CACNA1C: variants seen among roughly 807,000 people sequenced by gnomAD.
CACNA1C encodes the protein calcium voltage-gated channel subunit alpha1 C.
CACNA1C carries 30 observed loss-of-function variants against 229.0 expected under a neutral mutation model. That is an observed-to-expected ratio of 0.13 (90% CI 0.10 to 0.18). The LOEUF (loss-of-function observed/expected upper bound fraction) is 0.18, where lower values mean the gene tolerates loss of function less well. Ranked by LOEUF, CACNA1C falls within the 10% of genes least tolerant of loss-of-function variation. The pLI, the probability that CACNA1C is intolerant of heterozygous loss-of-function variation, is 1.00. For synonymous variants in CACNA1C, 1,114 were observed against 1,132.5 expected, an observed-to-expected ratio of 0.98 and a Z score of 0.33; for missense variants, 1,658 against 2,845.0, an observed-to-expected ratio of 0.58 and a Z score of 9.49.
Position 2,608,843 on chromosome 12 carries a change from C to A in CACNA1C, c.3558+131C>A. The stretch of plus-strand genomic sequence containing the variant: ...TGAGATCGTCTCTCTATTCCTCAAC[C>A]AGAGTGGGCTGTCAGTCTTTTTGAG... On this transcript the variant is annotated intron_variant, in intron 27 of 46. Coordinates refer to ENST00000399655, the MANE Select transcript of CACNA1C (RefSeq NM_000719.7). The surrounding 1 kb of genome is among the most constrained non-coding windows in gnomAD (Gnocchi z 4.2). The A allele has an allele frequency of 1.2e-6, 1 of 851,568 alleles. No homozygotes were observed. Among genetic ancestry groups the A allele is most frequent in the Non-Finnish European group, 1.8e-6 (1 of 550,340 alleles). The allele number at this position is 851,568 out of a possible 1,614,324, so 52.8% of individuals were successfully genotyped here. A position where few individuals can be genotyped will look rare whatever the true frequency, so the allele number is the denominator to read the frequency against.
At chr12:2,037,740 T>A (rs1379911620) in intron 1 of CACNA1C, among the ~76,000 whole-genome samples, 1 of 152,162 alleles carries the variant, frequency 6.6e-6, no homozygotes, top group East Asian at 1.9e-4. Context: ...TATATAACCC[T>A]CACTTCTCAG....
In CACNA1C at chr12:2,346,218, G is replaced by A. The variant is rs938885091; in HGVS notation, c.478-102758G>A. 2.6e-5 allele frequency among the ~76,000 whole-genome samples: 4 copies of A among 152,050 alleles called. No individual in the cohort carries two copies. The highest frequency in any genetic ancestry group is 9.7e-5 in the African/African-American group (4 of 41,388). On this transcript the variant is annotated intron_variant, in intron 3 of 46. Transcript: ENST00000399655. The surrounding 1 kb of genome is among the most constrained non-coding windows in gnomAD (Gnocchi z 4.4). ...GGTGTGCGTGTGTGTCTCTGTGTGT[G>A]TCATCTCTGTGTGTGTCTGTGTGTG...
chr12:2,034,661 G>A lies in CACNA1C; in HGVS notation c.139+63460G>A, dbSNP rs1211104680. ...CCGACGACTTTGAAATAATTCGAGG[G>A]CTAACTGGCTCATCTAGTGTGATTT... is the stretch of plus-strand genomic sequence containing the variant. On this transcript the variant is annotated intron_variant, in intron 1 of 46. Coordinates refer to the CACNA1C transcript ENST00000682462. The surrounding 1 kb of genome is among the most constrained non-coding windows in gnomAD (Gnocchi z 4.1). Among the ~76,000 whole-genome samples the A allele has an allele frequency of 6.6e-6, 1 of 152,082 alleles. No homozygotes were observed. Among genetic ancestry groups the A allele is most frequent in the Non-Finnish European group, 1.5e-5 (1 of 68,016 alleles).
chr12:2,469,778 T>G (rs1362666226), intron 5 of CACNA1C, among the ~76,000 whole-genome samples: 1 of 152,224 alleles, frequency 6.6e-6, no homozygotes, highest in African/African-American at 2.4e-5. Flanking sequence ...AGAAATACTT[T>G]TAAAAAAATA....
At chr12:2,517,976 A>G (rs935903310) in intron 9 of CACNA1C, among the ~76,000 whole-genome samples, 2 of 152,234 alleles carry the variant, frequency 1.3e-5, no homozygotes, top group African/African-American at 4.8e-5. Flanking sequence ...CAATACAGAC[A>G]TTGATGTGGA....
Position 2,652,190 on chromosome 12 carries a change from C to A in CACNA1C, c.4074+422C>A, listed in dbSNP as rs149265061. 2.9e-4 allele frequency among the ~76,000 whole-genome samples: 44 copies of A among 152,298 alleles called. No individual in the cohort carries two copies. In the East Asian group the frequency reaches 6.2e-3, roughly 21 times the overall value. On this transcript the variant is annotated intron_variant, in intron 32 of 46. Transcript: ENST00000399655. The stretch of plus-strand genomic sequence containing the variant: ...CCAGAATCTGGCCATCGCCCTCCTC[C>A]CCGTAGGCGTTTCAGCAGCATCTGC...
At chr12:2,228,247 T>G (rs562010833) in intron 3 of CACNA1C, among the ~76,000 whole-genome samples, 1 of 152,324 alleles carries the variant, frequency 6.6e-6, no homozygotes, top group African/African-American at 2.4e-5. Context: ...TCAACCAACA[T>G]TTATTGAGTG....
chr12:2,610,678 C>T lies in CACNA1C; in HGVS notation c.3696C>T (p.Asn1232=). The T allele has an allele frequency of 1.9e-6, 3 of 1,614,244 alleles. No homozygotes were observed. The South Asian group carries it at 3.3e-5, about 18-fold the overall frequency. The change falls in exon 28 of 47, where the codon AAC becomes AAT. Residue 1232 remains asparagine (N), a synonymous_variant. Coordinates refer to ENST00000399655, the MANE Select transcript of CACNA1C (RefSeq NM_000719.7). ...TGATGTTCGTCCTCATCCTGCTCAA[C>T]ACCATCTGCCTGGCCATGCAGGTCA... The part of the protein sequence containing the change: ...EYLMFVLILL[N]TICLAMQHYG...
At chr12:2,369,309 C>A (rs1041504902) in intron 3 of CACNA1C, among the ~76,000 whole-genome samples, 2 of 151,886 alleles carry the variant, frequency 1.3e-5, no homozygotes, top group African/African-American at 4.8e-5. Context: ...TGAGAACCTA[C>A]TATATGGTAA....
chr12:2,438,198 C>G (rs375794549), intron 3 of CACNA1C, among the ~76,000 whole-genome samples: 4 of 99,264 alleles, frequency 4.0e-5, no homozygotes, highest in African/African-American at 1.6e-4. Flanking sequence ...ATAATGACGG[C>G]GATGGTGATG....
At chr12:2,497,907 C>T (rs2099750050) in intron 7 of CACNA1C, among the ~76,000 whole-genome samples, 1 of 151,824 alleles carries the variant, frequency 6.6e-6, no homozygotes, top group South Asian at 2.1e-4. Flanking sequence ...TTGTCAGCTC[C>T]ACCCTTCATC....
chr12:2,598,965 C>T (rs1283086718), intron 21 of CACNA1C, among the ~76,000 whole-genome samples: 4 of 152,176 alleles, frequency 2.6e-5, no homozygotes, highest in Non-Finnish European at 2.9e-5. Context: ...AGATGCACCG[C>T]GGCAAAACCT....
chr12:2,019,024 T>A (rs1389284076), intron 1 of CACNA1C, among the ~76,000 whole-genome samples: 2 of 152,152 alleles, frequency 1.3e-5, no homozygotes, highest in African/African-American at 4.8e-5. Context: ...GGGATTCTCA[T>A]GGCTGCTGTT....
Position 2,695,837 on chromosome 12 carries a change from C to T in CACNA1C, c.*4638C>T, listed in dbSNP as rs907081188. 2.0e-5 allele frequency: 3 copies of T among 152,318 alleles called. No homozygotes were observed. Among genetic ancestry groups the T allele is most frequent in the Middle Eastern group, 3.4e-3 (1 of 294 alleles). The allele number at this position is 152,318 out of a possible 1,614,324, so 9.4% of individuals were successfully genotyped here. On this transcript the variant is annotated 3_prime_UTR_variant, in exon 47 of 47. Transcript: ENST00000399655. ...TTCTTTCTGGAGCCAGATACCAATA[C>T]AACAGGTGAACGGGTTTCTGCCACA...
At chr12:2,230,966 CTT>C (rs2064927623) in intron 3 of CACNA1C, among the ~76,000 whole-genome samples, 1 of 152,262 alleles carries the variant, frequency 6.6e-6, no homozygotes, top group Non-Finnish European at 1.5e-5. Flanking sequence ...ATGCTTCTGA[CTT>C]TGTCAATCTC....
At position 1,977,823 on chromosome 12, in the gene CACNA1C, G is replaced by T. The variant is rs561296480; in HGVS notation, c.139+6622G>T. ...GTTCTCTAAATTTGACTTTCTTACTGCTATTATTTACTATGGGTATATACA... is the reference window on the plus strand; with the variant it reads ...GTTCTCTAAATTTGACTTTCTTACTTCTATTATTTACTATGGGTATATACA... On this transcript the variant is annotated intron_variant, in intron 1 of 46. Transcript: ENST00000682462. 2.0e-4 allele frequency among the ~76,000 whole-genome samples: 30 copies of T among 152,184 alleles called. 1 individual carries two copies. Among genetic ancestry groups the T allele is most frequent in the Admixed American group, 1.7e-3 (26 of 15,290 alleles).
At chr12:2,128,392 G>A (rs1255890875) in intron 3 of CACNA1C, among the ~76,000 whole-genome samples, 1 of 152,164 alleles carries the variant, frequency 6.6e-6, no homozygotes, top group African/African-American at 2.4e-5. Context: ...TACCAAGTTA[G>A]CCAAAGGTAA....
chr12:2,352,382 A>G (rs539047761), intron 3 of CACNA1C, among the ~76,000 whole-genome samples: 4 of 152,330 alleles, frequency 2.6e-5, no homozygotes, highest in African/African-American at 9.6e-5. Flanking sequence ...GTCTTCATCA[A>G]TCATACAAAA....
rs540545629 is a variant in CACNA1C, at chr12:2,650,557, G to C, written c.3946-1083G>C. On this transcript the variant is annotated intron_variant, in intron 31 of 46. Coordinates refer to ENST00000399655, the MANE Select transcript of CACNA1C (RefSeq NM_000719.7). ...TGCACTAGCTCCGGATTTGGCAGTGGCTTCCTCCTGGGTTCCTGCTCACCA... is the reference window on the plus strand; with the variant it reads ...TGCACTAGCTCCGGATTTGGCAGTGCCTTCCTCCTGGGTTCCTGCTCACCA... 2.0e-5 allele frequency among the ~76,000 whole-genome samples: 3 copies of C among 152,258 alleles called. No homozygotes were observed. In the South Asian group the frequency reaches 6.2e-4, roughly 32 times the overall value.
Sources: gnomAD v4.1 joint callset for allele counts (sites outside exome capture counted in the v4.1 genomes callset) on GRCh38, gnomAD v4.1.1 for gene constraint, Gnocchi (gnomAD v3.1) non-coding constraint, MANE v1.5 for transcripts, NCBI Gene and HGNC (gene_info 2026-07-23, HGNC 2026-07-21) for gene names.